VPS54: variants seen among roughly 807,000 people sequenced by gnomAD.
The protein encoded by VPS54 is vacuolar protein sorting-associated protein 54.
Under a neutral mutation model 121.5 loss-of-function variants are expected in VPS54, and 45 were observed. That is an observed-to-expected ratio of 0.37 (90% CI 0.29 to 0.47). VPS54 has a LOEUF of 0.47. Ranked by LOEUF, VPS54 falls within the 20% of genes least tolerant of loss-of-function variation. The pLI, the probability that VPS54 is intolerant of heterozygous loss-of-function variation, is 0.99. For missense variants in VPS54, 1,090 were observed against 1,131.4 expected, an observed-to-expected ratio of 0.96 and a Z score of 0.52; for synonymous variants, 371 against 385.8, an observed-to-expected ratio of 0.96 and a Z score of 0.45.
intron 12 of VPS54, among the ~76,000 whole-genome samples, chr2:63,923,922 T>C (rs527668995): frequency 2.0e-5 from 3 of 152,320 alleles, no homozygotes; most frequent in African/African-American, 7.2e-5. Flanking sequence ...TCAGAGCCGT[T>C]GTATGAAAGA....
At chr2:63,901,535 C>CAT (rs1165842064) in intron 20 of VPS54, among the ~76,000 whole-genome samples, 1 of 152,174 alleles carries the variant, frequency 6.6e-6, no homozygotes, top group Non-Finnish European at 1.5e-5. Flanking sequence ...GGGAGAAGAT[C>CAT]ATATAGATCC....
chr2:63,903,614 C>T (rs1558979717), intron 20 of VPS54, among the ~76,000 whole-genome samples: 1 of 151,894 alleles, frequency 6.6e-6, no homozygotes, highest in Non-Finnish European at 1.5e-5. Context: ...AAATGTATGA[C>T]AATAATAGCA....
At chr2:63,903,949 T>C (rs1672794098) in intron 20 of VPS54, among the ~76,000 whole-genome samples, 1 of 152,126 alleles carries the variant, frequency 6.6e-6, no homozygotes, top group East Asian at 1.9e-4. Flanking sequence ...AAGACAGTAA[T>C]TGTCAGACTA....
intron 12 of VPS54, among the ~76,000 whole-genome samples, chr2:63,933,213 G>A (rs75019355): frequency 0.017 from 2,583 of 152,230 alleles, 65 homozygotes; most frequent in African/African-American, 0.058. Flanking sequence ...TTTAAGAGAA[G>A]ATGTGATCCA....
intron 22 of VPS54, among the ~76,000 whole-genome samples, chr2:63,895,950 A>G (rs1394829937): frequency 6.6e-6 from 1 of 152,220 alleles, no homozygotes; most frequent in Non-Finnish European, 1.5e-5. Flanking sequence ...AGTTATGGGA[A>G]TAAAAGTAAA....
chr2:63,951,006 A>G (rs1675215748), intron 7 of VPS54, among the ~76,000 whole-genome samples: 1 of 151,992 alleles, frequency 6.6e-6, no homozygotes, highest in Non-Finnish European at 1.5e-5. Flanking sequence ...TAGATCCTTC[A>G]CTTTCCTTTT....
At chr2:63,912,797 T>C (rs1006385486) in intron 18 of VPS54, 136 bp from the exon 19 acceptor site, 5 of 1,073,884 alleles carry the variant, frequency 4.7e-6, no homozygotes, top group Non-Finnish European at 6.5e-6. Context: ...AAGAGCCCTA[T>C]GGCAGAAGGC....
intron 20 of VPS54, among the ~76,000 whole-genome samples, chr2:63,900,136 C>T (rs575641537): frequency 6.9e-6 from 1 of 144,064 alleles, no homozygotes; most frequent in South Asian, 2.2e-4. Context: ...AGGAGAATTG[C>T]TTGGACCTGG....
chr2:63,912,800 C>T, intron 18 of VPS54, 139 bp from the exon 19 acceptor site: 2 of 1,025,780 alleles, frequency 1.9e-6, no homozygotes, highest in Non-Finnish European at 2.7e-6. Flanking sequence ...AGCCCTATGG[C>T]AGAAGGCAAC....
chr2:63,993,917 T>C (rs1322399754), intron 1 of VPS54, among the ~76,000 whole-genome samples: 4 of 152,210 alleles, frequency 2.6e-5, no homozygotes, highest in African/African-American at 7.2e-5. Flanking sequence ...GTTAAATTGC[T>C]GTAATTACTG....
chr2:64,012,990 C>T (rs919322158), intron 1 of VPS54, among the ~76,000 whole-genome samples: 1 of 152,178 alleles, frequency 6.6e-6, no homozygotes, highest in Non-Finnish European at 1.5e-5. Context: ...GAAAAGTTAC[C>T]ATTTGTAATC....
chr2:63,909,982 C>T (rs1673078152), intron 20 of VPS54, among the ~76,000 whole-genome samples: 1 of 152,158 alleles, frequency 6.6e-6, no homozygotes, highest in African/African-American at 2.4e-5. Context: ...CTGCCTCAGC[C>T]TCCCAAAAGT....
intron 1 of VPS54, among the ~76,000 whole-genome samples, chr2:63,988,601 C>T (rs1009903147): frequency 2.6e-5 from 4 of 152,100 alleles, no homozygotes; most frequent in African/African-American, 4.8e-5. Flanking sequence ...GAACATAAAT[C>T]GTGAAGATTT....
chr2:63,951,107 T>C (rs1675219091), intron 7 of VPS54, among the ~76,000 whole-genome samples: 1 of 151,926 alleles, frequency 6.6e-6, no homozygotes, highest in East Asian at 1.9e-4. Context: ...TGCACCTGCA[T>C]AAAATCTGCA....
chr2:63,910,241 A>C (rs149704313), intron 20 of VPS54, among the ~76,000 whole-genome samples: 156 of 152,344 alleles, frequency 1.0e-3, no homozygotes, highest in African/African-American at 3.4e-3. Context: ...ACTTGTTAAC[A>C]CAGGAAGAAT....
At chr2:63,959,545 T>C (rs1047494533) in intron 7 of VPS54, among the ~76,000 whole-genome samples, 3 of 152,138 alleles carry the variant, frequency 2.0e-5, no homozygotes, top group African/African-American at 7.2e-5. Context: ...AGAAAGATAT[T>C]GAGCAAAATG....
At position 63,983,444 on chromosome 2, in the gene VPS54, A is replaced by AT. The variant is rs58336872; in HGVS notation, c.136+419dup. On this transcript the variant is annotated intron_variant, in intron 2 of 22. Coordinates refer to ENST00000272322, the MANE Select transcript of VPS54 (RefSeq NM_016516.3). ...GAGCCACCACGCCGGGCCCCAAATG[A>AT]TTTTTTTTTTTTTTTTTTGAGATGG... Among the ~76,000 whole-genome samples, 826 of 120,110 alleles carry AT rather than the reference A, an allele frequency of 6.9e-3. 9 individuals are homozygous for AT. The highest frequency in any genetic ancestry group is 0.054 in the Middle Eastern group (10 of 184). 78.8% of individuals were successfully genotyped at this position (120,110 alleles called of 152,430 possible).
chr2:63,939,262 C>T (rs1415907079), intron 11 of VPS54, among the ~76,000 whole-genome samples: 1 of 152,018 alleles, frequency 6.6e-6, no homozygotes, highest in Non-Finnish European at 1.5e-5. Context: ...ATCCCAGCTA[C>T]TCAGGTGGCT....
chr2:63,990,289 C>A (rs957551975), intron 1 of VPS54, among the ~76,000 whole-genome samples: 1 of 152,068 alleles, frequency 6.6e-6, no homozygotes, highest in Non-Finnish European at 1.5e-5. Flanking sequence ...GACCTTGTTT[C>A]TTTTCACGAA....
Sources: allele counts gnomAD v4.1 joint callset (sites outside exome capture counted in the v4.1 genomes callset), GRCh38; gene constraint gnomAD v4.1.1; transcripts MANE v1.5; gene names NCBI Gene and HGNC (gene_info 2026-07-23, HGNC 2026-07-21).